The following CFAP77 variants were observed in gnomAD, a reference collection of about 807,000 sequenced individuals.
The protein encoded by CFAP77 is cilia and flagella associated protein 77.
Under a neutral mutation model 31.1 loss-of-function variants are expected in CFAP77, and 25 were observed. The ratio of observed to expected loss-of-function variants is 0.80; its 90% CI spans 0.59 to 1.12. CFAP77 has a LOEUF of 1.12. CFAP77 is among the 50% of genes most tolerant of loss of function. CFAP77 has a pLI of 0.00. For synonymous variants in CFAP77, 151 were observed against 159.9 expected, an observed-to-expected ratio of 0.94 and a Z score of 0.42; for missense variants, 377 against 397.3, an observed-to-expected ratio of 0.95 and a Z score of 0.44.
intron 3 of CFAP77, among the ~76,000 whole-genome samples, chr9:132,519,297 T>A (rs1053503148): frequency 2.1e-5 from 3 of 145,284 alleles, no homozygotes; most frequent in Admixed American, 1.4e-4. Context: ...GGTGGATGGA[T>A]GAATGGATGG....
Position 132,448,569 on chromosome 9 carries a change from TTTTG to T in CFAP77, c.195+38119_195+38122del, listed in dbSNP as rs574082923. Among the ~76,000 whole-genome samples, 505 of 152,134 alleles carry T rather than the reference TTTTG, an allele frequency of 3.3e-3. 3 individuals are homozygous for T. The highest frequency in any genetic ancestry group is 6.8e-3 in the Middle Eastern group (2 of 294). On this transcript the variant is annotated intron_variant, in intron 1 of 5. Coordinates refer to ENST00000393216, the MANE Select transcript of CFAP77 (RefSeq NM_001282957.2). ...AAATGCTCCCCAAATGAAGCCTCTG[TTTTG>T]TTTGTTTGTTTGTTTTTGTTTTTGC...
intron 1 of CFAP77, among the ~76,000 whole-genome samples, chr9:132,469,337 A>G (rs1272396181): frequency 1.3e-5 from 2 of 152,262 alleles, no homozygotes; most frequent in Non-Finnish European, 2.9e-5. Context: ...AGCAAGGCTT[A>G]TAAGACACAT....
rs567718801 is a variant in CFAP77 at position 132,471,737 on chromosome 9, G to C, written c.196-26958G>C. Among the ~76,000 whole-genome samples, 38 of 152,068 alleles carry C rather than the reference G, an allele frequency of 2.5e-4. No individual in the cohort carries two copies. The East Asian group carries it at 7.2e-3, about 29-fold the overall frequency. On this transcript the variant is annotated intron_variant, in intron 1 of 5. Transcript: ENST00000393216. Reference sequence around the variant, plus strand: ...GTTTGTTGAGACAGGGTCTCACTCTGTTGCCCAAGCTGGAGTGCATTGGTG... The same window carrying C: ...GTTTGTTGAGACAGGGTCTCACTCTCTTGCCCAAGCTGGAGTGCATTGGTG...
At chr9:132,571,201 C>T (rs905736190) in intron 5 of CFAP77, among the ~76,000 whole-genome samples, 7 of 152,156 alleles carry the variant, frequency 4.6e-5, no homozygotes, top group Non-Finnish European at 8.8e-5. Context: ...ATCCTGAACC[C>T]ACTGCAGAGC....
chr9:132,509,353 G>A (rs993935880), intron 3 of CFAP77, among the ~76,000 whole-genome samples: 1 of 152,164 alleles, frequency 6.6e-6, no homozygotes, highest in Admixed American at 6.5e-5. Flanking sequence ...TGCCCAGCCC[G>A]GGCTACCTCT....
intron 1 of CFAP77, among the ~76,000 whole-genome samples, chr9:132,429,672 G>A (rs1425580089): frequency 2.0e-4 from 28 of 143,196 alleles, no homozygotes; most frequent in African/African-American, 5.7e-4. Context: ...GCGAAACCCC[G>A]TCTCTACTAA....
At chr9:132,438,002 C>T (rs929506611) in intron 1 of CFAP77, among the ~76,000 whole-genome samples, 4 of 151,116 alleles carry the variant, frequency 2.6e-5, no homozygotes, top group African/African-American at 4.9e-5. Context: ...GTCATGAGTT[C>T]AAGAGCAACC....
At chr9:132,438,541 A>ATATATATATATATATTTTTTTT in intron 1 of CFAP77, among the ~76,000 whole-genome samples, 7 of 108,122 alleles carry the variant, frequency 6.5e-5, no homozygotes, top group African/African-American at 2.4e-4. Flanking sequence ...ATATATATAT[A>ATATATATATATATATTTTTTTT]TTTTTTTTTT....
At chr9:132,451,335 TC>T (rs1286419540) in intron 1 of CFAP77, among the ~76,000 whole-genome samples, 2 of 111,262 alleles carry the variant, frequency 1.8e-5, no homozygotes, top group African/African-American at 8.2e-5. Flanking sequence ...CGAAACTCCA[TC>T]TTAAAAAAAA....
intron 1 of CFAP77, among the ~76,000 whole-genome samples, chr9:132,432,857 G>T (rs1267098220): frequency 1.3e-5 from 2 of 151,734 alleles, no homozygotes; most frequent in Non-Finnish European, 2.9e-5. Flanking sequence ...GGGACTACAG[G>T]CACCCGCCAC....
chr9:132,425,330 T>C (rs759357187), intron 1 of CFAP77, among the ~76,000 whole-genome samples: 4 of 152,102 alleles, frequency 2.6e-5, no homozygotes, highest in Non-Finnish European at 5.9e-5. Context: ...CTTTGTCAGA[T>C]AATTTATTCT....
chr9:132,470,247 C>T (rs1200422104), intron 1 of CFAP77, among the ~76,000 whole-genome samples: 1 of 152,200 alleles, frequency 6.6e-6, no homozygotes, highest in Non-Finnish European at 1.5e-5. Context: ...GTCCACGTGC[C>T]TCCCAATCAG....
intron 1 of CFAP77, among the ~76,000 whole-genome samples, chr9:132,466,043 A>G (rs1352834887): frequency 6.6e-6 from 1 of 152,186 alleles, no homozygotes; most frequent in African/African-American, 2.4e-5. Flanking sequence ...AAGCTATGTC[A>G]CAGAGGATTC....
intron 1 of CFAP77, among the ~76,000 whole-genome samples, chr9:132,451,844 G>A (rs1314901932): frequency 4.8e-5 from 7 of 146,206 alleles, no homozygotes; most frequent in Admixed American, 1.4e-4. Flanking sequence ...TCACTCTGTC[G>A]CCTAGGCTGG....
At chr9:132,568,556 C>CAA (rs34754814) in intron 5 of CFAP77, among the ~76,000 whole-genome samples, 4,881 of 89,938 alleles carry the variant, frequency 0.054, 257 homozygotes, top group Middle Eastern at 0.15. Flanking sequence ...AACTCCGCCT[C>CAA]AAAAAAAAAA....
chr9:132,435,079 C>T (rs576152562), intron 1 of CFAP77, among the ~76,000 whole-genome samples: 46 of 152,262 alleles, frequency 3.0e-4, no homozygotes, highest in Middle Eastern at 3.4e-3. Context: ...TTTCTTCCGC[C>T]GCCTTGGAGG....
chr9:132,565,007 T>TTGGAAGAGA lies in CFAP77; in HGVS notation c.733-7381_733-7380insTGGAAGAGA, dbSNP rs1375183894. Among the ~76,000 whole-genome samples, 44 of 152,026 alleles carry TTGGAAGAGA rather than the reference T, an allele frequency of 2.9e-4. No individual in the cohort carries two copies. Among genetic ancestry groups the TTGGAAGAGA allele is most frequent in the Non-Finnish European group, 6.3e-4 (43 of 67,998 alleles). ...CATCTGTAGTATGGGAGAGTTAGAT[T>TTGGAAGAGA]CGATATCACTAAGGTCTCTTCCAAA... On this transcript the variant is annotated intron_variant, in intron 5 of 5. Coordinates refer to ENST00000393216, the MANE Select transcript of CFAP77 (RefSeq NM_001282957.2). This position sits in a 1 kb window ranked among gnomAD's most constrained non-coding sequence, Gnocchi z 4.1.
rs77079637 is a variant in CFAP77 at position 132,479,158 on chromosome 9, G to A, written c.196-19537G>A. On this transcript the variant is annotated intron_variant, in intron 1 of 5. Transcript: ENST00000393216. ...AAAAGCTAAGTACAAATAGATTTTC[G>A]CATGTAGCAATTATGCCACATACTC... Among the ~76,000 whole-genome samples, 460 of 152,244 alleles carry A rather than the reference G, an allele frequency of 3.0e-3. 3 individuals are homozygous for A. Among genetic ancestry groups the A allele is most frequent in the African/African-American group, 0.011 (446 of 41,530 alleles).
chr9:132,532,269 G>A (rs1852466112), intron 3 of CFAP77, among the ~76,000 whole-genome samples: 2 of 152,320 alleles, frequency 1.3e-5, no homozygotes, highest in African/African-American at 2.4e-5. Context: ...GACTGGCCTC[G>A]GAGCACGGCC....
Sources: allele counts gnomAD v4.1 joint callset (sites outside exome capture counted in the v4.1 genomes callset), GRCh38; gene constraint gnomAD v4.1.1; non-coding constraint Gnocchi (gnomAD v3.1); transcripts MANE v1.5; gene names NCBI Gene and HGNC (gene_info 2026-07-23, HGNC 2026-07-21).